The following IPO8 variants were observed in gnomAD, a reference collection of about 807,000 sequenced individuals.
IPO8 encodes importin 8, also known as importin-8.
A neutral mutation model predicts 141.2 loss-of-function variants in IPO8; 65 were observed. That is an observed-to-expected ratio of 0.46 (90% CI 0.38 to 0.57). The LOEUF (loss-of-function observed/expected upper bound fraction) is 0.57, where lower values mean the gene tolerates loss of function less well. IPO8 is among the 20% of genes least tolerant of loss of function. IPO8 has a pLI of 0.00. For missense variants in IPO8, 980 were observed against 1,246.8 expected (o/e 0.79, Z 3.22); for synonymous variants, 411 against 420.3 (o/e 0.98, Z 0.27).
At chr12:30,631,189 A>G (rs2052427288) in intron 24 of IPO8, among the ~76,000 whole-genome samples, 1 of 152,158 alleles carries the variant, frequency 6.6e-6, no homozygotes, top group Admixed American at 6.5e-5. Flanking sequence ...AAAAGAAAAC[A>G]CGTCTCAGAG....
Position 30,674,760 on chromosome 12 carries a change from G to C in IPO8, c.730-7C>G, listed in dbSNP as rs2136163800. On this transcript the variant is annotated splice_polypyrimidine_tract_variant and splice_region_variant and intron_variant, in intron 6 of 24. Coordinates refer to ENST00000256079, the MANE Select transcript of IPO8 (RefSeq NM_006390.4). Reference sequence around the variant, plus strand: ...CATCAATGTGCAGAGTCTCCTAACAGGACAAAATTACCCAGATTAAAGTTC... The same window carrying C: ...CATCAATGTGCAGAGTCTCCTAACACGACAAAATTACCCAGATTAAAGTTC... 6.3e-7 allele frequency: 1 copy of C among 1,580,546 alleles called. No homozygotes were observed. Among genetic ancestry groups the C allele is most frequent in the South Asian group, 1.1e-5 (1 of 90,340 alleles).
chr12:30,630,541 A>C lies in IPO8; in HGVS notation c.*319T>G. 1 of 279,780 alleles carries C rather than the reference A, an allele frequency of 3.6e-6. No homozygotes were observed. The highest frequency in any genetic ancestry group is 6.6e-6 in the Non-Finnish European group (1 of 151,906). The allele number at this position is 279,780 out of a possible 1,614,324, so 17.3% of individuals were successfully genotyped here. ...ATAAATCCATTGATTCTGCATGGCAAAAACCTGAGACGTGCAAGTCTATCC... is the reference window on the plus strand; with the variant it reads ...ATAAATCCATTGATTCTGCATGGCACAAACCTGAGACGTGCAAGTCTATCC... On this transcript the variant is annotated 3_prime_UTR_variant, in exon 25 of 25. Transcript: ENST00000256079.
chr12:30,640,233 G>T (rs1380010008), intron 20 of IPO8, among the ~76,000 whole-genome samples: 1 of 152,088 alleles, frequency 6.6e-6, no homozygotes, highest in Non-Finnish European at 1.5e-5. Context: ...AATAAAATCT[G>T]ACTCCAATTC....
chr12:30,684,404 G>A lies in IPO8; in HGVS notation c.220C>T (p.Pro74Ser), dbSNP rs1028646491. The A allele has an allele frequency of 6.2e-7, 1 of 1,614,134 alleles. No individual in the cohort carries two copies. The highest frequency in any genetic ancestry group is 1.1e-5 in the South Asian group (1 of 91,078). Residue 74 changes from proline to serine, a missense_variant, in exon 3 of 25, where the codon CCA (proline) becomes TCA (serine). By Grantham distance (74) the Pro-to-Ser change is moderately conservative (BLOSUM62 -1). Around this residue, in one of 3 missense-constraint regions of IPO8, gnomAD observed 924 missense variants for 1,153.9 expected, o/e 0.80. Transcript: ENST00000256079. ...VTQYWPDREPPPGEAIFPFNI... is the reference protein window; with the variant it reads ...VTQYWPDREPSPGEAIFPFNI... ...AATGGAAATATTGCTTCTCCTGGTG[G>A]AGGTTCTCGATCTGGCCAGTATTGT... is the stretch of plus-strand genomic sequence containing the variant.
In IPO8 at chr12:30,659,695, A is replaced by T. The variant is rs894643820; in HGVS notation, c.1881+1446T>A. Among the ~76,000 whole-genome samples, 7 of 150,246 alleles carry T rather than the reference A, an allele frequency of 4.7e-5. No individual in the cohort carries two copies. The East Asian group carries it at 1.2e-3, about 26-fold the overall frequency. ...TGAAACCCCGTCTCTAATAAAAAAA[A>T]TTCAAAAAAATTAGCTGGGCATGGT... is the stretch of plus-strand genomic sequence containing the variant. On this transcript the variant is annotated intron_variant, in intron 16 of 24. Coordinates refer to ENST00000256079, the MANE Select transcript of IPO8 (RefSeq NM_006390.4).
intron 16 of IPO8, among the ~76,000 whole-genome samples, chr12:30,660,703 CA>C (rs2052872541): frequency 6.6e-6 from 1 of 152,030 alleles, no homozygotes; most frequent in Non-Finnish European, 1.5e-5. Flanking sequence ...TCCATTTTTA[CA>C]GTACTTGTTA....
intron 2 of IPO8, 24 bp from the exon 3 acceptor site, chr12:30,684,481 T>C (rs1474795988): frequency 1.2e-6 from 2 of 1,611,932 alleles, no homozygotes; most frequent in South Asian, 1.1e-5. Flanking sequence ...AAAATGCTAA[T>C]GTAGCAGTAC....
intron 20 of IPO8, among the ~76,000 whole-genome samples, chr12:30,644,204 C>CA (rs1189735485): frequency 6.6e-6 from 1 of 151,776 alleles, no homozygotes; most frequent in East Asian, 1.9e-4. Flanking sequence ...CTCATCTTTA[C>CA]AAAAAATTTG....
rs57348846 is a variant in IPO8, at chr12:30,694,203, T to C, written c.84+1361A>G. ...TCCTAACTAACCCCTGGATTACTAT[T>C]CTTCCAGCCAGCCAACATACAGTAC... On this transcript the variant is annotated intron_variant, in intron 1 of 24. Coordinates refer to ENST00000256079, the MANE Select transcript of IPO8 (RefSeq NM_006390.4). Among the ~76,000 whole-genome samples, 316 of 152,292 alleles carry C rather than the reference T, an allele frequency of 2.1e-3. 1 individual carries two copies. Among genetic ancestry groups the C allele is most frequent in the African/African-American group, 7.3e-3 (302 of 41,548 alleles).
intron 17 of IPO8, 145 bp from the exon 18 acceptor site, chr12:30,653,237 G>T: frequency 1.5e-6 from 1 of 668,188 alleles, no homozygotes; most frequent in Non-Finnish European, 2.4e-6. Flanking sequence ...CTCAGTATTT[G>T]TATCTTCGGC....
chr12:30,634,071 G>A lies in IPO8; in HGVS notation c.2899+12C>T. On this transcript the variant is annotated intron_variant, in intron 23 of 24. Coordinates refer to ENST00000256079, the MANE Select transcript of IPO8 (RefSeq NM_006390.4). Reference sequence around the variant, plus strand: ...AAAAAATATCAGAAGATGTGGGGAAGTAAAGACATACTTATCAGAGCTTGT... The same window carrying A: ...AAAAAATATCAGAAGATGTGGGGAAATAAAGACATACTTATCAGAGCTTGT... The A allele has an allele frequency of 1.2e-6, 2 of 1,603,600 alleles. No homozygotes were observed. Among genetic ancestry groups the A allele is most frequent in the Admixed American group, 3.3e-5 (2 of 59,870 alleles).
At chr12:30,679,803 GTTTAATTCATTCA>G (rs1235296935) in intron 5 of IPO8, among the ~76,000 whole-genome samples, 9 of 152,164 alleles carry the variant, frequency 5.9e-5, no homozygotes, top group Non-Finnish European at 1.3e-4. Context: ...ATGTAATAGA[GTTTAATTCATTCA>G]TCAAACAGTT....
chr12:30,661,118 C>T, intron 16 of IPO8, 23 bp downstream of exon 16: 1 of 1,447,876 alleles, frequency 6.9e-7, no homozygotes, highest in Non-Finnish European at 9.2e-7. Context: ...ACTATTATAT[C>T]ATAAACCACA....
intron 24 of IPO8, chr12:30,631,592 T>C (rs2052433248): frequency 9.3e-6 from 2 of 215,766 alleles, no homozygotes; most frequent in Admixed American, 1.1e-4. Context: ...GTGATCCAAC[T>C]GATTAAGTCT....
intron 16 of IPO8, among the ~76,000 whole-genome samples, chr12:30,660,878 T>C (rs2052874924): frequency 6.6e-6 from 1 of 151,672 alleles, no homozygotes; most frequent in Non-Finnish European, 1.5e-5. Flanking sequence ...GCAGATATGA[T>C]TAACTGAACT....
intron 4 of IPO8, 84 bp downstream of exon 4, chr12:30,681,575 C>T (rs866292219): frequency 1.6e-6 from 2 of 1,252,716 alleles, no homozygotes; most frequent in Middle Eastern, 1.9e-4. Context: ...CTGTGCAGAA[C>T]ATCCACAACA....
chr12:30,665,640 C>A, intron 12 of IPO8, 89 bp downstream of exon 12: 1 of 785,868 alleles, frequency 1.3e-6, no homozygotes, highest in South Asian at 1.7e-5. Context: ...AGGTAGTCAC[C>A]AGCTTTAAAT....
chr12:30,676,016 C>T (rs2053116445), intron 6 of IPO8, among the ~76,000 whole-genome samples: 1 of 151,846 alleles, frequency 6.6e-6, no homozygotes, highest in South Asian at 2.1e-4. Flanking sequence ...TTGCTGCAGC[C>T]TCAAACTACC....
intron 3 of IPO8, among the ~76,000 whole-genome samples, chr12:30,683,902 G>A (rs982609353): frequency 2.0e-5 from 3 of 152,112 alleles, no homozygotes. Flanking sequence ...TACAGGGAAA[G>A]ATTAAGACAG....
Sources: allele counts gnomAD v4.1 joint callset (sites outside exome capture counted in the v4.1 genomes callset), GRCh38; gene constraint gnomAD v4.1.1; regional missense constraint gnomAD v4.1.1; transcripts MANE v1.5; gene names NCBI Gene and HGNC (gene_info 2026-07-23, HGNC 2026-07-21).